Variants in ZER1 observed in about 807,000 individuals in gnomAD.
The protein encoded by ZER1 is zyg-11 related cell cycle regulator.
ZER1 carries 11 observed loss-of-function variants against 78.8 expected under a neutral mutation model. That is an observed-to-expected ratio of 0.14 (90% CI 0.09 to 0.23). ZER1 has a LOEUF of 0.23. Ranked by LOEUF, ZER1 falls within the 10% of genes least tolerant of loss-of-function variation. The pLI, the probability that ZER1 is intolerant of heterozygous loss-of-function variation, is 1.00. For missense variants in ZER1, 588 were observed against 996.9 expected (o/e 0.59, Z 5.52); for synonymous variants, 400 against 407.0 (o/e 0.98, Z 0.21).
rs761522479 is a variant in ZER1 at position 128,735,413 on chromosome 9, G to A, written c.2061C>T (p.Leu687=). The part of the protein sequence containing the change: ...NINYRSFEPI[L]RLLPQGISPV... Reference sequence around the variant, plus strand: ...GAGAGATTCCCTGGGGAAGGAGGCGGAGAATTGGTTCAAATGACCTGCAGG... The same window carrying A: ...GAGAGATTCCCTGGGGAAGGAGGCGAAGAATTGGTTCAAATGACCTGCAGG... The change falls in exon 14 of 16, where the codon CTC becomes CTT. Residue 687 remains leucine, a synonymous_variant. Coordinates refer to ENST00000291900, the MANE Select transcript of ZER1 (RefSeq NM_006336.4). The A allele has an allele frequency of 1.3e-5, 21 of 1,613,966 alleles. No homozygotes were observed. In the Admixed American group the frequency reaches 1.3e-4, roughly 10 times the overall value.
intron 1 of ZER1, among the ~76,000 whole-genome samples, chr9:128,757,934 G>A (rs1257951373): frequency 6.6e-5 from 10 of 152,114 alleles, no homozygotes; most frequent in Admixed American, 6.6e-4. Flanking sequence ...ATCTACACTA[G>A]AATGTTCACA....
chr9:128,768,016 G>A (rs1167568456), intron 1 of ZER1, among the ~76,000 whole-genome samples: 6 of 152,186 alleles, frequency 3.9e-5, no homozygotes, highest in African/African-American at 9.6e-5. Flanking sequence ...TGTGTTGCGC[G>A]TGTTGTGAAC....
chr9:128,769,782 G>A (rs543137221), intron 1 of ZER1, among the ~76,000 whole-genome samples: 9 of 152,194 alleles, frequency 5.9e-5, no homozygotes, highest in East Asian at 1.9e-4. Context: ...AGGAAGCAGC[G>A]GCATAACTTA....
At position 128,741,844 on chromosome 9, in the gene ZER1, G is replaced by A; in HGVS notation, c.1576-3C>T. On this transcript the variant is annotated splice_polypyrimidine_tract_variant and splice_region_variant and intron_variant, in intron 9 of 15. Transcript: ENST00000291900. The stretch of plus-strand genomic sequence containing the variant: ...TTCTGAATCAGCTTCAGCATGGTCT[G>A]CAGGCAGGGACAAGAGTCTGCTAGA... The A allele has an allele frequency of 6.2e-7, 1 of 1,614,222 alleles. No homozygotes were observed. The highest frequency in any genetic ancestry group is 8.5e-7 in the Non-Finnish European group (1 of 1,180,028).
At chr9:128,760,808 G>A (rs202107328) in intron 1 of ZER1, among the ~76,000 whole-genome samples, 4 of 139,936 alleles carry the variant, frequency 2.9e-5, no homozygotes, top group Non-Finnish European at 6.2e-5. Context: ...GCGAGACTCC[G>A]TTTAAAAAAA....
Position 128,752,867 on chromosome 9 carries a change from G to T in ZER1, c.747-18C>A. On this transcript the variant is annotated intron_variant, in intron 4 of 15. Coordinates refer to ENST00000291900, the MANE Select transcript of ZER1 (RefSeq NM_006336.4). ...CCAGGTGTCTGAAGATTGGGGTAGG[G>T]GGTGCAGGTTAGGAGCTGGGTACAG... 6.2e-7 allele frequency: 1 copy of T among 1,610,012 alleles called. No homozygotes were observed. The highest frequency in any genetic ancestry group is 1.7e-4 in the Middle Eastern group (1 of 6,034).
At position 128,753,700 on chromosome 9, in the gene ZER1, C is replaced by A; in HGVS notation, c.310-100G>T. Reference sequence around the variant, plus strand: ...CAGGTGGGTTGGAAAGGGGGATGTGCACAGTCACGGTGCACACTGGCTGGG... The same window carrying A: ...CAGGTGGGTTGGAAAGGGGGATGTGAACAGTCACGGTGCACACTGGCTGGG... On this transcript the variant is annotated intron_variant, in intron 3 of 15. Coordinates refer to ENST00000291900, the MANE Select transcript of ZER1 (RefSeq NM_006336.4). The surrounding 1 kb of genome is among the most constrained non-coding windows in gnomAD (Gnocchi z 7.5). 2.6e-6 allele frequency: 4 copies of A among 1,560,726 alleles called. No individual in the cohort carries two copies. Among genetic ancestry groups the A allele is most frequent in the Non-Finnish European group, 3.5e-6 (4 of 1,153,924 alleles).
intron 1 of ZER1, among the ~76,000 whole-genome samples, chr9:128,759,364 A>T (rs1159149406): frequency 7.0e-6 from 1 of 142,112 alleles, no homozygotes; most frequent in African/African-American, 2.6e-5. Flanking sequence ...TTTGGTAGAG[A>T]TGGGGTTTCA....
intron 8 of ZER1, among the ~76,000 whole-genome samples, chr9:128,743,944 G>A (rs1863396923): frequency 1.3e-5 from 2 of 148,404 alleles, no homozygotes; most frequent in Admixed American, 6.8e-5. Context: ...TGTCGCCCAG[G>A]GTGGAGTGCA....
rs1863844016 is a variant in ZER1, at chr9:128,755,966, CTG to C, written c.-94-309_-94-308del. ...TTTTCACTCTTCAGCTTCCCACAGT[CTG>C]AAGAGCTACACTGGGGTGTTCCATG... On this transcript the variant is annotated intron_variant, in intron 1 of 15. Transcript: ENST00000291900. This position sits in a 1 kb window ranked among gnomAD's most constrained non-coding sequence, Gnocchi z 5.6. 6.6e-6 allele frequency among the ~76,000 whole-genome samples: 1 copy of C among 152,210 alleles called. No homozygotes were observed. Among genetic ancestry groups the C allele is most frequent in the South Asian group, 2.1e-4 (1 of 4,836 alleles).
In ZER1 at chr9:128,740,999, GGGGGCATATATGCT is replaced by G; in HGVS notation, c.1738-126_1738-113del. On this transcript the variant is annotated intron_variant, in intron 11 of 15. Transcript: ENST00000291900. The surrounding 1 kb of genome is among the most constrained non-coding windows in gnomAD (Gnocchi z 4.4). ...TCTGGCCATGCCAACTAGACAAAGA[GGGGGCATATATGCT>G]GCCCTCCTACCCTCCAATGCTCCTA... is the stretch of plus-strand genomic sequence containing the variant. 1.5e-6 allele frequency: 1 copy of G among 679,962 alleles called. No individual in the cohort carries two copies. Among genetic ancestry groups the G allele is most frequent in the Non-Finnish European group, 2.7e-6 (1 of 368,722 alleles). The allele number at this position is 679,962 out of a possible 1,614,324, so 42.1% of individuals were successfully genotyped here.
Position 128,753,328 on chromosome 9 carries a change from C to T in ZER1, c.582G>A (p.Leu194=). 3 of 1,613,532 alleles carry T rather than the reference C, an allele frequency of 1.9e-6. No homozygotes were observed. Among genetic ancestry groups the T allele is most frequent in the South Asian group, 1.1e-5 (1 of 90,960 alleles). Residue 194 remains leucine, a synonymous_variant, in exon 4 of 16, where the codon CTG becomes CTA. Transcript: ENST00000291900. The surrounding 1 kb of genome is among the most constrained non-coding windows in gnomAD (Gnocchi z 7.5). ...CAGCCAGGGAGTTAAGCGGCCGCAGCAGGGACTCCACAGGGACCCAATCAA... is the reference window on the plus strand; with the variant it reads ...CAGCCAGGGAGTTAAGCGGCCGCAGTAGGGACTCCACAGGGACCCAATCAA... The part of the protein sequence containing the change: ...RMIDWVPVES[L]LRPLNSLAAL...
rs1270141593 is a variant in ZER1, at chr9:128,753,952, C to T, written c.166G>A (p.Glu56Lys). The T allele has an allele frequency of 6.3e-7, 1 of 1,586,172 alleles. No individual in the cohort carries two copies. The highest frequency in any genetic ancestry group is 8.6e-7 in the Non-Finnish European group (1 of 1,166,910). Reference protein sequence around the residue: ...ICDRLVNEYVELVNAACNFEP... With the variant: ...ICDRLVNEYVKLVNAACNFEP... The stretch of plus-strand genomic sequence containing the variant: ...AAGTTACAGGCAGCGTTCACCAGCT[C>T]CACATACCTGGGAGAGAAAAAAGCC... Residue 56 changes from glutamate to lysine, a missense_variant, in exon 3 of 16, where the codon GAG (glutamate) becomes AAG (lysine). By Grantham distance (56) the Glu-to-Lys change is moderately conservative (BLOSUM62 1). This residue lies in a region of ZER1 where 406 missense variants were observed against 660.1 expected (regional missense o/e 0.62). Coordinates refer to ENST00000291900, the MANE Select transcript of ZER1 (RefSeq NM_006336.4). The surrounding 1 kb of genome is among the most constrained non-coding windows in gnomAD (Gnocchi z 7.5).
At chr9:128,742,398 C>T (rs1249261629) in intron 9 of ZER1, 132 bp downstream of exon 9, 2 of 1,031,648 alleles carry the variant, frequency 1.9e-6, no homozygotes, top group African/African-American at 3.2e-5. Context: ...AGCCTAAATC[C>T]CTCATGCTTC....
intron 1 of ZER1, among the ~76,000 whole-genome samples, chr9:128,759,544 C>T (rs987477076): frequency 3.3e-5 from 5 of 151,814 alleles, no homozygotes; most frequent in African/African-American, 1.2e-4. Context: ...GCCTGTAATC[C>T]CAGCACTTTG....
At chr9:128,742,031 C>T (rs1338980834) in intron 9 of ZER1, among the ~76,000 whole-genome samples, 190 bp from the exon 10 acceptor site, 3 of 152,242 alleles carry the variant, frequency 2.0e-5, no homozygotes, top group Non-Finnish European at 2.9e-5. Context: ...TTGGCATTAG[C>T]AGGCCCGGGT....
intron 1 of ZER1, among the ~76,000 whole-genome samples, chr9:128,759,126 A>G (rs1051704158): frequency 8.0e-5 from 12 of 150,674 alleles, no homozygotes; most frequent in African/African-American, 2.9e-4. Flanking sequence ...CCTCCCGAGT[A>G]GCTGGGATTA....
intron 1 of ZER1, among the ~76,000 whole-genome samples, chr9:128,771,257 T>C (rs1381868014): frequency 6.6e-6 from 1 of 152,172 alleles, no homozygotes; most frequent in Non-Finnish European, 1.5e-5. Flanking sequence ...ATCCAAGTCG[T>C]CCTTGAGCTT....
At chr9:128,749,310 G>C (rs912594137) in intron 8 of ZER1, among the ~76,000 whole-genome samples, 4 of 151,772 alleles carry the variant, frequency 2.6e-5, no homozygotes, top group African/African-American at 9.7e-5. Flanking sequence ...CTGGGCGACA[G>C]AGTAAGACTC....
Sources: allele counts gnomAD v4.1 joint callset (sites outside exome capture counted in the v4.1 genomes callset), GRCh38; gene constraint gnomAD v4.1.1; regional missense constraint gnomAD v4.1.1; non-coding constraint Gnocchi (gnomAD v3.1); transcripts MANE v1.5; gene names NCBI Gene and HGNC (gene_info 2026-07-23, HGNC 2026-07-21).